Variants in NDC80 observed in about 807,000 individuals in gnomAD.
NDC80 encodes NDC80 kinetochore complex component, also known as kinetochore protein NDC80 homolog.
NDC80 carries 69 observed loss-of-function variants against 89.3 expected under a neutral mutation model. That is an observed-to-expected ratio of 0.77 (90% CI 0.64 to 0.94). NDC80 has a LOEUF of 0.94. Among genes scored for constraint, NDC80 ranks in the 40% least tolerant of loss-of-function variants. The probability of loss-of-function intolerance (pLI) is 0.00; values close to 1 mark genes in which losing one functional copy is unlikely to be tolerated. For synonymous variants in NDC80, 243 were observed against 255.6 expected (o/e 0.95, Z 0.47); for missense variants, 593 against 739.6 (o/e 0.80, Z 2.30).
At chr18:2,588,449 A>G (rs2072612455) in intron 8 of NDC80, among the ~76,000 whole-genome samples, 1 of 152,018 alleles carries the variant, frequency 6.6e-6, no homozygotes, top group African/African-American at 2.4e-5. Context: ...CTAGTGACAT[A>G]CAGTATTTAC....
chr18:2,581,859 T>G (rs555119324), intron 6 of NDC80, among the ~76,000 whole-genome samples: 1 of 152,176 alleles, frequency 6.6e-6, no homozygotes, highest in Admixed American at 6.5e-5. Flanking sequence ...ACTCTCTAAA[T>G]TATTTTTTCA....
chr18:2,605,732 T>C (rs2072708153), intron 13 of NDC80, among the ~76,000 whole-genome samples: 1 of 152,124 alleles, frequency 6.6e-6, no homozygotes, highest in African/African-American at 2.4e-5. Context: ...TAAAAAAAAG[T>C]CAGCTATTTA....
rs1197300304 is a variant in NDC80, at chr18:2,572,993, G to T, written c.8G>T (p.Arg3Leu). The change falls in exon 2 of 17, where the codon CGC becomes CTC. Residue 3 changes from arginine (R) to leucine (L), a missense_variant. By Grantham distance (102) the Arg-to-Leu change is moderately radical (BLOSUM62 -2). Transcript: ENST00000261597. Reference sequence around the variant, plus strand: ...TGAATGTAGGTCATAAGCATGAAGCGCAGTTCAGTTTCCAGCGGTGGTGCT... The same window carrying T: ...TGAATGTAGGTCATAAGCATGAAGCTCAGTTCAGTTTCCAGCGGTGGTGCT... MK[R>L]SSVSSGGAGR... 2 of 1,613,302 alleles carry T rather than the reference G, an allele frequency of 1.2e-6. No individual in the cohort carries two copies. The highest frequency in any genetic ancestry group is 1.7e-6 in the Non-Finnish European group (2 of 1,179,778).
At chr18:2,598,613 A>G (rs12456447) in intron 11 of NDC80, among the ~76,000 whole-genome samples, 59,352 of 152,072 alleles carry the variant, frequency 0.39, 12,844 homozygotes, top group East Asian at 0.68. Flanking sequence ...ATAAATGATT[A>G]TATTCTACTT....
At chr18:2,611,303 C>T (rs2072743138) in intron 16 of NDC80, among the ~76,000 whole-genome samples, 1 of 152,178 alleles carries the variant, frequency 6.6e-6, no homozygotes, top group Non-Finnish European at 1.5e-5. Context: ...CCTGCCTCGG[C>T]CTCCCAAAGT....
intron 6 of NDC80, among the ~76,000 whole-genome samples, chr18:2,581,538 C>T (rs2072578156): frequency 6.6e-6 from 1 of 152,086 alleles, no homozygotes; most frequent in Non-Finnish European, 1.5e-5. Context: ...TGGTGCATGC[C>T]GTCCCGGCTA....
intron 10 of NDC80, among the ~76,000 whole-genome samples, chr18:2,593,013 GGTGTGTGTGTGTGTGTGTGT>G (rs56851912): frequency 1.5e-4 from 16 of 108,398 alleles, no homozygotes; most frequent in African/African-American, 4.9e-4. Flanking sequence ...AATAAACTCT[GGTGTGTGTGTGTGTGTGTGT>G]GTGTGTGTGT....
chr18:2,579,165 T>A, intron 6 of NDC80, 136 bp downstream of exon 6: 3 of 455,682 alleles, frequency 6.6e-6, no homozygotes, highest in Non-Finnish European at 1.1e-5. Context: ...CACATTTGAT[T>A]TTAAGTTTTT....
chr18:2,607,614 A>G (rs2072718778), intron 14 of NDC80, among the ~76,000 whole-genome samples: 1 of 152,080 alleles, frequency 6.6e-6, no homozygotes, highest in Non-Finnish European at 1.5e-5. Flanking sequence ...AACCAATTTT[A>G]TTTAGTTTCT....
intron 3 of NDC80, among the ~76,000 whole-genome samples, chr18:2,575,455 A>G (rs113929279): frequency 5.3e-3 from 802 of 152,008 alleles, no homozygotes; most frequent in Non-Finnish European, 9.6e-3. Context: ...CTGACTCCAC[A>G]TTTTTTTAAT....
At chr18:2,574,685 T>C (rs2072536822) in intron 2 of NDC80, among the ~76,000 whole-genome samples, 1 of 152,150 alleles carries the variant, frequency 6.6e-6, no homozygotes, top group Non-Finnish European at 1.5e-5. Context: ...GTTTAGATAG[T>C]TATTAAAAAT....
intron 16 of NDC80, 131 bp downstream of exon 16, chr18:2,610,992 C>A: frequency 2.5e-5 from 11 of 438,332 alleles, no homozygotes; most frequent in Admixed American, 4.6e-5. Context: ...AAAAATTTAT[C>A]AGAAGAATCT....
chr18:2,580,466 A>G (rs1051900083), intron 6 of NDC80, among the ~76,000 whole-genome samples: 4 of 151,994 alleles, frequency 2.6e-5, no homozygotes, highest in African/African-American at 9.7e-5. Context: ...CCTAAAGCTA[A>G]TACTGTTCCC....
chr18:2,598,936 G>C (rs1170766668), intron 11 of NDC80, 83 bp from the exon 12 acceptor site: 37 of 1,334,762 alleles, frequency 2.8e-5, no homozygotes, highest in Non-Finnish European at 3.4e-5. Context: ...GATATGTTTT[G>C]TATAAAATTT....
intron 3 of NDC80, 77 bp downstream of exon 3, chr18:2,575,143 T>C: frequency 1.0e-6 from 1 of 964,738 alleles, no homozygotes; most frequent in Non-Finnish European, 1.6e-6. Flanking sequence ...ACAAATACAT[T>C]AGATGACATG....
At chr18:2,572,843 A>T in intron 1 of NDC80, 134 bp from the exon 2 acceptor site, 1 of 643,042 alleles carries the variant, frequency 1.6e-6, no homozygotes, top group Non-Finnish European at 2.7e-6. Flanking sequence ...CAAAAAAGAG[A>T]TACCCCAGGG....
rs372027071 is a variant in NDC80 at position 2,589,322 on chromosome 18, T to C, written c.870+12T>C. 3.6e-5 allele frequency: 56 copies of C among 1,566,392 alleles called. No individual in the cohort carries two copies. Among genetic ancestry groups the C allele is most frequent in the Non-Finnish European group, 4.7e-5 (54 of 1,137,544 alleles). ...GAGAAAAAGAACCGGTTAGTAAACA[T>C]GTTTACACACTTACTTGAGAGCTCT... On this transcript the variant is annotated intron_variant, in intron 9 of 16. Coordinates refer to ENST00000261597, the MANE Select transcript of NDC80 (RefSeq NM_006101.3).
rs558842218 is a variant in NDC80, at chr18:2,574,949, A to T, written c.102-40A>T. ...TCTAAAAGTTTCTTGAGCTAATTTT[A>T]ATTTTTATTTTAAAGAGTTGTTTTC... On this transcript the variant is annotated intron_variant, in intron 2 of 16. Transcript: ENST00000261597. 156 of 1,321,646 alleles carry T rather than the reference A, an allele frequency of 1.2e-4. 2 individuals carry two copies. The South Asian group carries it at 1.8e-3, about 16-fold the overall frequency. The allele number at this position is 1,321,646 out of a possible 1,614,324, so 81.9% of individuals were successfully genotyped here. A position where few individuals can be genotyped will look rare whatever the true frequency, so the allele number is the denominator to read the frequency against.
intron 10 of NDC80, among the ~76,000 whole-genome samples, chr18:2,590,719 A>T (rs2143646720): frequency 6.6e-6 from 1 of 152,316 alleles, no homozygotes; most frequent in South Asian, 2.1e-4. Context: ...CCAGAGATAG[A>T]ACTTTATATA....
Sources: gnomAD v4.1 joint callset for allele counts (sites outside exome capture counted in the v4.1 genomes callset) on GRCh38, gnomAD v4.1.1 for gene constraint, MANE v1.5 for transcripts, NCBI Gene and HGNC (gene_info 2026-07-23, HGNC 2026-07-21) for gene names.